Variants in KAT6B observed in about 807,000 individuals in gnomAD.
The protein encoded by KAT6B is histone acetyltransferase KAT6B.
In KAT6B, 10 loss-of-function variants were observed where a neutral mutation model predicts 187.5. The ratio of observed to expected loss-of-function variants is 0.05; its 90% CI spans 0.03 to 0.09. The LOEUF (loss-of-function observed/expected upper bound fraction) is 0.09, where lower values mean the gene tolerates loss of function less well. Ranked by LOEUF, KAT6B falls within the 10% of genes least tolerant of loss-of-function variation. The probability of loss-of-function intolerance (pLI) is 1.00; values close to 1 mark genes in which losing one functional copy is unlikely to be tolerated. For synonymous variants in KAT6B, 861 were observed against 926.8 expected (o/e 0.93, Z 1.29); for missense variants, 1,952 against 2,558.9 (o/e 0.76, Z 5.12).
At chr10:74,933,659 T>G (rs1473932356) in intron 3 of KAT6B, among the ~76,000 whole-genome samples, 1 of 152,196 alleles carries the variant, frequency 6.6e-6, no homozygotes, top group African/African-American at 2.4e-5. Context: ...TAGCTGTATC[T>G]TTGGAACAAT....
rs140962606 is a variant in KAT6B, at chr10:74,980,128, C to T, written c.2231+789C>T. Among the ~76,000 whole-genome samples, 305 of 152,282 alleles carry T rather than the reference C, an allele frequency of 2.0e-3. 1 individual carries two copies. The highest frequency in any genetic ancestry group is 7.0e-3 in the African/African-American group (292 of 41,542). ...AAGCCGAGATTGCACTACTGCACTC[C>T]AGCTCAGGTGACAGACCAAGATCCC... is the stretch of plus-strand genomic sequence containing the variant. On this transcript the variant is annotated intron_variant, in intron 10 of 17. Coordinates refer to ENST00000287239, the MANE Select transcript of KAT6B (RefSeq NM_012330.4).
chr10:74,932,330 A>G (rs1848940656), intron 3 of KAT6B, among the ~76,000 whole-genome samples: 1 of 152,198 alleles, frequency 6.6e-6, no homozygotes. Flanking sequence ...CATTTCACAG[A>G]TGTAGAAACT....
intron 3 of KAT6B, among the ~76,000 whole-genome samples, chr10:74,901,099 CA>C (rs554515195): frequency 1.8e-3 from 281 of 152,106 alleles, no homozygotes; most frequent in African/African-American, 6.6e-3. Flanking sequence ...AAAATGTGAT[CA>C]CCATGACCCT....
intron 3 of KAT6B, among the ~76,000 whole-genome samples, chr10:74,925,619 T>TTA (rs1376620801): frequency 6.6e-6 from 1 of 152,130 alleles, no homozygotes; most frequent in Non-Finnish European, 1.5e-5. Flanking sequence ...TGAAAGCAAA[T>TTA]TATTAAGGGG....
intron 3 of KAT6B, among the ~76,000 whole-genome samples, chr10:74,908,581 ACTC>A (rs1343909348): frequency 6.6e-6 from 1 of 151,384 alleles, no homozygotes; most frequent in East Asian, 1.9e-4. Context: ...AGAGAAATAA[ACTC>A]CTTTTCTTTA....
intron 3 of KAT6B, among the ~76,000 whole-genome samples, chr10:74,854,036 A>G (rs900937392): frequency 6.6e-6 from 1 of 152,214 alleles, no homozygotes; most frequent in Non-Finnish European, 1.5e-5. Context: ...ACTACAGTAG[A>G]TTAGGTGAAA....
chr10:75,031,176 TTA>T lies in KAT6B; in HGVS notation c.*131_*132del. On this transcript the variant is annotated 3_prime_UTR_variant, in exon 18 of 18. Coordinates refer to ENST00000287239, the MANE Select transcript of KAT6B (RefSeq NM_012330.4). ...AAAAACATTTGTTGGCACCATTTAT[TTA>T]AAAAAAAAAAAAGCTGTATGCAGCA... 3.7e-6 allele frequency: 4 copies of T among 1,069,438 alleles called. No individual in the cohort carries two copies. Among genetic ancestry groups the T allele is most frequent in the East Asian group, 2.6e-5 (1 of 38,252 alleles). 66.2% of individuals were successfully genotyped at this position (1,069,438 alleles called of 1,614,324 possible). A position where few individuals can be genotyped will look rare whatever the true frequency, so the allele number is the denominator to read the frequency against.
At chr10:74,851,420 G>A (rs544350649) in intron 3 of KAT6B, among the ~76,000 whole-genome samples, 9 of 148,732 alleles carry the variant, frequency 6.1e-5, no homozygotes, top group South Asian at 2.1e-4. Context: ...TACAACCTCC[G>A]CCTCCCTGGT....
At chr10:75,013,415 G>A (rs756220529) in intron 13 of KAT6B, among the ~76,000 whole-genome samples, 13 of 151,906 alleles carry the variant, frequency 8.6e-5, no homozygotes, top group Non-Finnish European at 1.6e-4. Flanking sequence ...TTAGCTGGGG[G>A]GAGGGGAGAG....
At chr10:74,878,803 A>G (rs561953253) in intron 3 of KAT6B, among the ~76,000 whole-genome samples, 14 of 152,168 alleles carry the variant, frequency 9.2e-5, no homozygotes, top group African/African-American at 2.6e-4. Context: ...GGTTATGGTG[A>G]GTGGTGTCTG....
chr10:74,950,044 C>T (rs762172360), intron 3 of KAT6B, among the ~76,000 whole-genome samples: 3 of 152,082 alleles, frequency 2.0e-5, no homozygotes, highest in Non-Finnish European at 2.9e-5. Flanking sequence ...TGCTCCCTCA[C>T]AGAACCAATT....
chr10:74,859,840 G>C (rs1215356843), intron 3 of KAT6B, among the ~76,000 whole-genome samples: 2 of 152,074 alleles, frequency 1.3e-5, no homozygotes, highest in Non-Finnish European at 2.9e-5. Flanking sequence ...TCACCCCTTT[G>C]TTGGAAAATT....
intron 17 of KAT6B, chr10:75,025,461 A>G: frequency 3.7e-6 from 2 of 544,178 alleles, no homozygotes; most frequent in Non-Finnish European, 3.3e-6. Context: ...CTAAGGCCAG[A>G]ACATTCCTCT....
intron 3 of KAT6B, among the ~76,000 whole-genome samples, chr10:74,907,541 TC>T (rs1488985316): frequency 1.3e-5 from 2 of 152,184 alleles, no homozygotes; most frequent in African/African-American, 4.8e-5. Context: ...TTTCTTTTTT[TC>T]TGAGGCAGAG....
At position 74,976,942 on chromosome 10, in the gene KAT6B, CTG is replaced by C. The variant is rs1382875529; in HGVS notation, c.1994-370_1994-369del. 12 of 274,828 alleles carry C rather than the reference CTG, an allele frequency of 4.4e-5. No homozygotes were observed. The East Asian group carries it at 7.8e-4, about 18-fold the overall frequency. The allele number at this position is 274,828 out of a possible 1,614,324, so 17.0% of individuals were successfully genotyped here. On this transcript the variant is annotated intron_variant, in intron 8 of 17. Transcript: ENST00000287239. Reference sequence around the variant, plus strand: ...ACCCTTTATCAAACAAAAACCGAAACTGTGTCATTTGGACAAAGTGGTAGAAT... The same window carrying C: ...ACCCTTTATCAAACAAAAACCGAAACTGTCATTTGGACAAAGTGGTAGAAT...
chr10:75,018,101 C>T (rs1262416372), intron 13 of KAT6B, among the ~76,000 whole-genome samples: 1 of 152,216 alleles, frequency 6.6e-6, no homozygotes, highest in African/African-American at 2.4e-5. Flanking sequence ...CCTGCACACC[C>T]GCCTGCTGTG....
At chr10:75,025,741 T>C (rs1175874766) in intron 17 of KAT6B, 1 of 167,752 alleles carries the variant, frequency 6.0e-6, no homozygotes. Context: ...TCATCTAAAC[T>C]AAGCTGGGCA....
At chr10:74,953,362 CATA>C (rs1840451052) in intron 3 of KAT6B, among the ~76,000 whole-genome samples, 1 of 152,132 alleles carries the variant, frequency 6.6e-6, no homozygotes, top group South Asian at 2.1e-4. Context: ...TTGCAATACT[CATA>C]ATAATATTTG....
chr10:74,841,629 C>T (rs1841753476), intron 2 of KAT6B, among the ~76,000 whole-genome samples: 1 of 152,094 alleles, frequency 6.6e-6, no homozygotes, highest in East Asian at 1.9e-4. Context: ...TTGACTCTTC[C>T]CTTGGGTGAA....
Sources: allele counts gnomAD v4.1 joint callset (sites outside exome capture counted in the v4.1 genomes callset), GRCh38; gene constraint gnomAD v4.1.1; transcripts MANE v1.5; gene names NCBI Gene and HGNC (gene_info 2026-07-23, HGNC 2026-07-21).